The following MINPP1 variants were observed in gnomAD, a reference collection of about 807,000 sequenced individuals.
MINPP1 encodes multiple inositol-polyphosphate phosphatase 1.
A neutral mutation model predicts 46.1 loss-of-function variants in MINPP1; 28 were observed. The ratio of observed to expected loss-of-function variants is 0.61; its 90% CI spans 0.45 to 0.83. The LOEUF is 0.83. Ranked by LOEUF, MINPP1 falls within the 40% of genes least tolerant of loss-of-function variation. The pLI is 0.00. For missense variants in MINPP1, 603 were observed against 610.0 expected, an observed-to-expected ratio of 0.99 and a Z score of 0.12; for synonymous variants, 268 against 249.1, an observed-to-expected ratio of 1.08 and a Z score of -0.72.
chr10:87,523,428 GC>G, intron 4 of MINPP1, among the ~76,000 whole-genome samples: 1 of 150,366 alleles, frequency 6.7e-6, no homozygotes, highest in East Asian at 2.0e-4. Flanking sequence ...TCGGCTCATT[GC>G]AAGCTCCGCC....
chr10:87,506,017 T>C (rs74150473), intron 1 of MINPP1, among the ~76,000 whole-genome samples: 1,971 of 149,348 alleles, frequency 0.013, 40 homozygotes, highest in African/African-American at 0.044. Context: ...TTTTTCCTTC[T>C]TTCTTTTTTT....
chr10:87,534,020 T>C (rs1286843739), intron 4 of MINPP1, among the ~76,000 whole-genome samples: 1 of 151,046 alleles, frequency 6.6e-6, no homozygotes, highest in Non-Finnish European at 1.5e-5. Context: ...ATCTCTGTAG[T>C]GTTGAAAGAT....
chr10:87,535,118 G>C (rs1310814081), intron 4 of MINPP1, among the ~76,000 whole-genome samples: 1 of 152,226 alleles, frequency 6.6e-6, no homozygotes, highest in Non-Finnish European at 1.5e-5. Flanking sequence ...ATGGTAGTTG[G>C]AAATGGCTTC....
At chr10:87,514,706 T>C (rs557803189) in intron 3 of MINPP1, among the ~76,000 whole-genome samples, 79 of 152,270 alleles carry the variant, frequency 5.2e-4, no homozygotes, top group South Asian at 1.0e-3. Flanking sequence ...CTGCTTGTCA[T>C]GTCATTGATT....
intron 3 of MINPP1, among the ~76,000 whole-genome samples, chr10:87,519,284 G>C (rs1851460174): frequency 2.0e-5 from 3 of 152,178 alleles, no homozygotes; most frequent in Admixed American, 1.3e-4. Flanking sequence ...TCCATCATCT[G>C]TATGAATGTC....
At chr10:87,525,257 C>T (rs763898369) in intron 4 of MINPP1, among the ~76,000 whole-genome samples, 16 of 152,220 alleles carry the variant, frequency 1.1e-4, no homozygotes, top group Non-Finnish European at 1.9e-4. Context: ...AAAAGAAACT[C>T]TATATGCTGT....
Position 87,552,384 on chromosome 10 carries a change from A to T in MINPP1, c.1370A>T (p.Asp457Val). 5.6e-6 allele frequency: 9 copies of T among 1,613,556 alleles called. No individual in the cohort carries two copies. Among genetic ancestry groups the T allele is most frequent in the Non-Finnish European group, 7.6e-6 (9 of 1,179,670 alleles). Residue 457 changes from aspartate (D) to valine (V), a missense_variant, in exon 5 of 5, where the codon GAT becomes GTT. Coordinates refer to ENST00000371996, the MANE Select transcript of MINPP1 (RefSeq NM_004897.5). Reference protein sequence around the residue: ...YSQETVSFYEDLKNHYKDILQ... With the variant: ...YSQETVSFYEVLKNHYKDILQ... The stretch of plus-strand genomic sequence containing the variant: ...CAAGAAACTGTTTCATTTTATGAAG[A>T]TCTGAAGAACCACTACAAGGACATC...
Position 87,527,047 on chromosome 10 carries a change from G to A in MINPP1, c.1067+5878G>A, listed in dbSNP as rs915893983. 9.9e-5 allele frequency among the ~76,000 whole-genome samples: 15 copies of A among 152,000 alleles called. 1 individual carries two copies. Among genetic ancestry groups the A allele is most frequent in the Admixed American group, 2.0e-4 (3 of 15,258 alleles). Reference sequence around the variant, plus strand: ...AATGTGGGCTCTTTTTTGGTTCCATGCGAACTTTAAAGTAGTTTTTTCCAA... The same window carrying A: ...AATGTGGGCTCTTTTTTGGTTCCATACGAACTTTAAAGTAGTTTTTTCCAA... On this transcript the variant is annotated intron_variant, in intron 4 of 4. Transcript: ENST00000371996.
At chr10:87,544,285 G>T (rs887905390) in intron 4 of MINPP1, among the ~76,000 whole-genome samples, 2 of 152,200 alleles carry the variant, frequency 1.3e-5, no homozygotes, top group Non-Finnish European at 2.9e-5. Flanking sequence ...AATGAGGTAT[G>T]GGGGAAAGGA....
At chr10:87,548,127 G>A (rs1459029977) in intron 4 of MINPP1, among the ~76,000 whole-genome samples, 1 of 152,114 alleles carries the variant, frequency 6.6e-6, no homozygotes, top group Non-Finnish European at 1.5e-5. Context: ...GCTACACAGA[G>A]CAGCATTTCT....
intron 2 of MINPP1, among the ~76,000 whole-genome samples, chr10:87,508,897 T>C (rs1851294866): frequency 6.6e-6 from 1 of 152,210 alleles, no homozygotes; most frequent in South Asian, 2.1e-4. Flanking sequence ...TTCTTTAGCT[T>C]TTGAAGCAGT....
Position 87,513,211 on chromosome 10 carries a change from A to G in MINPP1, c.923A>G (p.Asp308Gly). The change falls in exon 3 of 5, where the codon GAT becomes GGT. Residue 308 changes from aspartate to glycine, a missense_variant. Transcript: ENST00000371996. ...CCTTGGTGTGATGTTTTTGACATAG[A>G]TGATGCAAAGGTAAGTATTATTTTT... ...KSPWCDVFDI[D>G]DAKVLEYLND... is the part of the protein sequence containing the mutation. 6.2e-7 allele frequency: 1 copy of G among 1,612,272 alleles called. No homozygotes were observed. The highest frequency in any genetic ancestry group is 1.7e-5 in the Admixed American group (1 of 60,020).
At chr10:87,534,048 T>G (rs1851698428) in intron 4 of MINPP1, among the ~76,000 whole-genome samples, 1 of 133,806 alleles carries the variant, frequency 7.5e-6, no homozygotes, top group Non-Finnish European at 1.6e-5. Context: ...AAATATTTTT[T>G]TTTTTTTTTT....
In MINPP1 at chr10:87,513,221, G is replaced by A. The variant is rs1168155081; in HGVS notation, c.933G>A (p.Lys311=). 2.5e-6 allele frequency: 4 copies of A among 1,607,736 alleles called. 1 individual carries two copies. Among genetic ancestry groups the A allele is most frequent in the Non-Finnish European group, 1.7e-6 (2 of 1,174,698 alleles). The part of the protein sequence containing the change: ...WCDVFDIDDA[K]VLEYLNDLKQ... ...ATGTTTTTGACATAGATGATGCAAA[G>A]GTAAGTATTATTTTTGCAGTTTCTT... The change falls in exon 3 of 5, where the codon AAG becomes AAA. Residue 311 remains lysine (K), a splice_region_variant and synonymous_variant. Coordinates refer to ENST00000371996, the MANE Select transcript of MINPP1 (RefSeq NM_004897.5).
chr10:87,505,538 C>T lies in MINPP1; in HGVS notation c.623C>T (p.Pro208Leu), dbSNP rs1469784437. 2 of 1,606,606 alleles carry T rather than the reference C, an allele frequency of 1.2e-6. No individual in the cohort carries two copies. Among genetic ancestry groups the T allele is most frequent in the African/African-American group, 1.3e-5 (1 of 74,858 alleles). ...LWQHYHPGLP[P>L]PDVADMEFGP... ...CAGCACTACCACCCTGGCTTGCCGCCGCCGGACGTCGCAGGTGACCCCCCG... is the reference window on the plus strand; with the variant it reads ...CAGCACTACCACCCTGGCTTGCCGCTGCCGGACGTCGCAGGTGACCCCCCG... The change falls in exon 1 of 5, where the codon CCG (proline) becomes CTG (leucine). Residue 208 changes from proline (P) to leucine (L), a missense_variant. Physicochemically the swap from Pro to Leu is moderately conservative, Grantham distance 98. Transcript: ENST00000371996. The surrounding 1 kb of genome is among the most constrained non-coding windows in gnomAD (Gnocchi z 4.4).
chr10:87,510,029 T>G (rs1034597825), intron 2 of MINPP1, among the ~76,000 whole-genome samples: 2 of 152,214 alleles, frequency 1.3e-5, no homozygotes, highest in African/African-American at 4.8e-5. Context: ...ATTCTGGAAT[T>G]GGACTATTTG....
chr10:87,521,011 A>G (rs1313939946), intron 3 of MINPP1, 25 bp from the exon 4 acceptor site: 2 of 836,280 alleles, frequency 2.4e-6, no homozygotes, highest in African/African-American at 3.4e-5. Context: ...AAAATATATT[A>G]GAAATTATTT....
intron 4 of MINPP1, among the ~76,000 whole-genome samples, chr10:87,524,831 G>A (rs550637132): frequency 1.3e-5 from 2 of 152,056 alleles, no homozygotes; most frequent in Non-Finnish European, 2.9e-5. Context: ...TTATATGGGT[G>A]GGGTTCATGG....
intron 4 of MINPP1, among the ~76,000 whole-genome samples, chr10:87,549,439 T>C (rs1360226902): frequency 6.6e-6 from 1 of 152,218 alleles, no homozygotes; most frequent in African/African-American, 2.4e-5. Flanking sequence ...CCACTGTCTG[T>C]CCTGTGCTCT....
Sources: gnomAD v4.1 joint callset for allele counts (sites outside exome capture counted in the v4.1 genomes callset) on GRCh38, gnomAD v4.1.1 for gene constraint, Gnocchi (gnomAD v3.1) non-coding constraint, MANE v1.5 for transcripts, NCBI Gene and HGNC (gene_info 2026-07-23, HGNC 2026-07-21) for gene names.